The following SH3BP5 variants were observed in gnomAD, a reference collection of about 807,000 sequenced individuals.
The protein encoded by SH3BP5 is SH3 domain binding protein 5, also known as SH3 domain-binding protein 5.
SH3BP5 carries 22 observed loss-of-function variants against 43.3 expected under a neutral mutation model. The ratio of observed to expected loss-of-function variants is 0.51; its 90% CI spans 0.36 to 0.73. The LOEUF (loss-of-function observed/expected upper bound fraction) is 0.73, where lower values mean the gene tolerates loss of function less well. Ranked by LOEUF, SH3BP5 falls within the 30% of genes least tolerant of loss-of-function variation. SH3BP5 has a pLI of 0.00. For missense variants in SH3BP5, 529 were observed against 586.9 expected, an observed-to-expected ratio of 0.90 and a Z score of 1.02; for synonymous variants, 255 against 225.8, an observed-to-expected ratio of 1.13 and a Z score of -1.16.
chr3:15,287,583 G>C (rs1039892275), intron 3 of SH3BP5, among the ~76,000 whole-genome samples: 3 of 152,218 alleles, frequency 2.0e-5, no homozygotes, highest in Non-Finnish European at 4.4e-5. Flanking sequence ...TGGCCAGCCA[G>C]GGTGAATCAA....
chr3:15,315,307 T>C (rs986933064), intron 2 of SH3BP5, among the ~76,000 whole-genome samples: 3 of 152,166 alleles, frequency 2.0e-5, no homozygotes, highest in Admixed American at 2.0e-4. Flanking sequence ...ATCCTCCCTT[T>C]AATTTAAGCT....
intron 1 of SH3BP5, among the ~76,000 whole-genome samples, chr3:15,339,247 A>T (rs1023020528): frequency 3.9e-5 from 6 of 152,018 alleles, no homozygotes; most frequent in Non-Finnish European, 7.3e-5. Context: ...TCTAAGGAGA[A>T]CCTTTATTTG....
chr3:15,284,748 G>A (rs1334817663), intron 3 of SH3BP5, among the ~76,000 whole-genome samples: 1 of 152,190 alleles, frequency 6.6e-6, no homozygotes, highest in South Asian at 2.1e-4. Flanking sequence ...TCTAGACAAA[G>A]TGACTTCAGT....
chr3:15,278,166 T>G (rs148222325), intron 3 of SH3BP5, among the ~76,000 whole-genome samples: 61 of 152,378 alleles, frequency 4.0e-4, no homozygotes, highest in African/African-American at 1.4e-3. Flanking sequence ...GATACTGTTT[T>G]GTCCTTGCCT....
chr3:15,338,628 T>G (rs1420896276), intron 1 of SH3BP5, among the ~76,000 whole-genome samples: 1 of 151,740 alleles, frequency 6.6e-6, no homozygotes, highest in African/African-American at 2.4e-5. Context: ...AAAACTAACA[T>G]GAAGGAGGCT....
upstream of SH3BP5, among the ~76,000 whole-genome samples, chr3:15,335,070 C>T (rs866804840): frequency 4.6e-5 from 7 of 151,152 alleles, no homozygotes; most frequent in African/African-American, 1.2e-4. Flanking sequence ...TGAGGCCAGG[C>T]GTTTGAGACC....
chr3:15,283,821 C>T (rs1697193369), intron 3 of SH3BP5, among the ~76,000 whole-genome samples: 2 of 152,206 alleles, frequency 1.3e-5, no homozygotes. Flanking sequence ...CCTCTACTGC[C>T]CTGATGGAGG....
rs543805068 is a variant in SH3BP5 at position 15,287,434 on chromosome 3, CT to C, written c.330+16668del. Among the ~76,000 whole-genome samples the C allele has an allele frequency of 3.3e-5, 5 of 152,208 alleles. No homozygotes were observed. The South Asian group carries it at 1.0e-3, about 32-fold the overall frequency. On this transcript the variant is annotated intron_variant, in intron 3 of 8. Coordinates refer to ENST00000383791, the MANE Select transcript of SH3BP5 (RefSeq NM_004844.5). ...TCATGAAAGTTACATTGACTTGTGCCTTCATTTTAATCCAGCAAAGGGTAAA... is the reference window on the plus strand; with the variant it reads ...TCATGAAAGTTACATTGACTTGTGCCTCATTTTAATCCAGCAAAGGGTAAA...
chr3:15,280,173 C>T (rs1476029372), intron 3 of SH3BP5, among the ~76,000 whole-genome samples: 1 of 152,150 alleles, frequency 6.6e-6, no homozygotes, highest in African/African-American at 2.4e-5. Flanking sequence ...AACGACGCAT[C>T]CCAAATCAAA....
chr3:15,273,095 C>A (rs1003567158), intron 3 of SH3BP5: 1 of 982,496 alleles, frequency 1.0e-6, no homozygotes, highest in Non-Finnish European at 1.2e-6. Flanking sequence ...CCACCCCCTA[C>A]CCATAGGTGG....
rs57568903 is a variant in SH3BP5 at position 15,297,973 on chromosome 3, CT to C, written c.330+6129del. On this transcript the variant is annotated intron_variant, in intron 3 of 8. Transcript: ENST00000383791. ...TAACTGATATACAACTTTTCTTTTTCTTTTTTTTTTTTTTTTTTAAAGAGCC... is the reference window on the plus strand; with the variant it reads ...TAACTGATATACAACTTTTCTTTTTCTTTTTTTTTTTTTTTTTAAAGAGCC... Among the ~76,000 whole-genome samples the C allele has an allele frequency of 5.8e-3, 779 of 134,758 alleles. 2 individuals carry two copies. The highest frequency in any genetic ancestry group is 7.4e-3 in the Admixed American group (99 of 13,378). 88.4% of individuals were successfully genotyped at this position (134,758 alleles called of 152,430 possible).
intron 2 of SH3BP5, among the ~76,000 whole-genome samples, chr3:15,327,911 T>C (rs960525759): frequency 1.3e-5 from 2 of 152,216 alleles, no homozygotes; most frequent in African/African-American, 4.8e-5. Flanking sequence ...CAAAAATATA[T>C]GTAAAATATC....
At position 15,320,635 on chromosome 3, in the gene SH3BP5, C is replaced by CACACACACACACACACACACACAT. The variant is rs773355544; in HGVS notation, c.201+9868_201+9869insATGTGTGTGTGTGTGTGTGTGTGT. ...ACACACACACACACACACACACACA[C>CACACACACACACACACACACACAT]ACACACCCCACTACGTTAAAGTCCC... On this transcript the variant is annotated intron_variant, in intron 2 of 8. Transcript: ENST00000383791. Among the ~76,000 whole-genome samples, 636 of 151,130 alleles carry CACACACACACACACACACACACAT rather than the reference C, an allele frequency of 4.2e-3. 1 individual carries two copies. The highest frequency in any genetic ancestry group is 7.7e-3 in the Non-Finnish European group (524 of 67,858).
At chr3:15,320,642 C>CACACACACACACA (rs1553619765) in intron 2 of SH3BP5, among the ~76,000 whole-genome samples, 7 of 25,788 alleles carry the variant, frequency 2.7e-4, no homozygotes, top group African/African-American at 9.8e-4. Context: ...ACACACACAC[C>CACACACACACACA]CCACTACGTT....
Position 15,256,248 on chromosome 3 carries a change from C to G in SH3BP5, c.1206G>C (p.Arg402=). The G allele has an allele frequency of 6.2e-7, 1 of 1,614,180 alleles. No individual in the cohort carries two copies. The highest frequency in any genetic ancestry group is 8.5e-7 in the Non-Finnish European group (1 of 1,180,048). Residue 402 remains arginine, a synonymous_variant, in exon 9 of 9, where the codon CGG becomes CGC. Transcript: ENST00000383791. ...NKTSDKANNN[R]GLSSSSGSGG... Reference sequence around the variant, plus strand: ...CACTGCCACTGCTACTGCTGAGGCCCCGGTTGTTGTTGGCTTTGTCACTTG... The same window carrying G: ...CACTGCCACTGCTACTGCTGAGGCCGCGGTTGTTGTTGGCTTTGTCACTTG...
At chr3:15,294,986 T>C (rs1220911682) in intron 3 of SH3BP5, among the ~76,000 whole-genome samples, 5 of 152,144 alleles carry the variant, frequency 3.3e-5, no homozygotes, top group Non-Finnish European at 7.4e-5. Flanking sequence ...CTCTTCTGTC[T>C]TTACCAGCCA....
chr3:15,265,550 ACACACACAC>A, intron 4 of SH3BP5, among the ~76,000 whole-genome samples: 1 of 145,776 alleles, frequency 6.9e-6, no homozygotes, highest in African/African-American at 2.5e-5. Context: ...ACACACACAC[ACACACACAC>A]AACCCTCCAG....
chr3:15,328,485 T>C (rs879618771), intron 2 of SH3BP5, among the ~76,000 whole-genome samples: 1 of 151,872 alleles, frequency 6.6e-6, no homozygotes, highest in Non-Finnish European at 1.5e-5. Context: ...TCCCAGCACT[T>C]TGGGAGGCCA....
chr3:15,334,684 T>C (rs1005023158), upstream of SH3BP5, among the ~76,000 whole-genome samples: 2 of 152,004 alleles, frequency 1.3e-5, no homozygotes, highest in East Asian at 3.9e-4. Context: ...CTCATGGTGG[T>C]TCATGCCTGT....
Sources: gnomAD v4.1 joint callset for allele counts (sites outside exome capture counted in the v4.1 genomes callset) on GRCh38, gnomAD v4.1.1 for gene constraint, MANE v1.5 for transcripts, NCBI Gene and HGNC (gene_info 2026-07-23, HGNC 2026-07-21) for gene names.